MAP4K3: variants seen among roughly 807,000 people sequenced by gnomAD.
MAP4K3 encodes mitogen-activated protein kinase kinase kinase kinase 3.
Under a neutral mutation model 143.5 loss-of-function variants are expected in MAP4K3, and 94 were observed. The observed-to-expected ratio is 0.65, with a 90% CI of 0.55 to 0.78. MAP4K3 has a LOEUF of 0.78. Among genes scored for constraint, MAP4K3 ranks in the 30% least tolerant of loss-of-function variants. MAP4K3 has a pLI of 0.00. For missense variants in MAP4K3, 1,077 were observed against 1,068.1 expected, an observed-to-expected ratio of 1.01 and a Z score of -0.12; for synonymous variants, 416 against 347.2, an observed-to-expected ratio of 1.20 and a Z score of -2.20.
intron 12 of MAP4K3, among the ~76,000 whole-genome samples, chr2:39,320,491 T>C (rs1239476003): frequency 2.0e-5 from 3 of 152,166 alleles, no homozygotes; most frequent in African/African-American, 7.2e-5. Context: ...TGGTACTTTT[T>C]CTTGGTCAAC....
chr2:39,359,261 C>T (rs1415834623), intron 2 of MAP4K3, among the ~76,000 whole-genome samples: 1 of 151,768 alleles, frequency 6.6e-6, no homozygotes, highest in African/African-American at 2.4e-5. Context: ...AGTTTAATGA[C>T]TACCAACAGG....
intron 1 of MAP4K3, among the ~76,000 whole-genome samples, chr2:39,434,180 G>A (rs1161057225): frequency 6.6e-6 from 1 of 152,120 alleles, no homozygotes; most frequent in African/African-American, 2.4e-5. Flanking sequence ...GCACGTAAAT[G>A]CTGACAAATT....
rs1680087255 is a variant in MAP4K3 at position 39,250,016 on chromosome 2, AC to A, written c.*601del. 6.6e-6 allele frequency: 1 copy of A among 152,408 alleles called. No homozygotes were observed. Among genetic ancestry groups the A allele is most frequent in the Non-Finnish European group, 1.5e-5 (1 of 68,008 alleles). 9.4% of individuals were successfully genotyped at this position (152,408 alleles called of 1,614,324 possible). On this transcript the variant is annotated 3_prime_UTR_variant, in exon 34 of 34. Transcript: ENST00000263881. The stretch of plus-strand genomic sequence containing the variant: ...GCTTACTTTTGTGACTTAATACATC[AC>A]ATATCAATACTTTGTGCAAATATAA...
intron 14 of MAP4K3, 114 bp from the exon 15 acceptor site, chr2:39,308,119 G>C: frequency 6.5e-6 from 4 of 612,290 alleles, no homozygotes; most frequent in Non-Finnish European, 1.1e-5. Context: ...ATTTTATTAA[G>C]GCAAATGGAG....
At chr2:39,360,072 C>T (rs539262877) in intron 2 of MAP4K3, among the ~76,000 whole-genome samples, 3 of 152,322 alleles carry the variant, frequency 2.0e-5, no homozygotes, top group Non-Finnish European at 2.9e-5. Flanking sequence ...TCTTTTCTAT[C>T]GCATTGTTGG....
chr2:39,254,563 G>C, intron 31 of MAP4K3, 43 bp from the exon 32 acceptor site: 3 of 1,468,800 alleles, frequency 2.0e-6, no homozygotes, highest in Non-Finnish European at 2.9e-6. Flanking sequence ...TAGTACAAAA[G>C]TTCAACTGAT....
At chr2:39,280,054 C>T (rs895526078) in intron 23 of MAP4K3, among the ~76,000 whole-genome samples, 6 of 152,106 alleles carry the variant, frequency 3.9e-5, no homozygotes, top group South Asian at 2.1e-4. Flanking sequence ...CTTCACTATA[C>T]TGATATGGTA....
At chr2:39,421,765 T>G (rs751734728) in intron 1 of MAP4K3, among the ~76,000 whole-genome samples, 2 of 152,172 alleles carry the variant, frequency 1.3e-5, no homozygotes, top group Non-Finnish European at 2.9e-5. Flanking sequence ...GCCCGTTTCC[T>G]GCATGATCTC....
intron 1 of MAP4K3, chr2:39,436,657 T>G (rs1403658418): frequency 1.8e-6 from 1 of 547,582 alleles, no homozygotes; most frequent in Non-Finnish European, 3.3e-6. Context: ...AGAAGGGAGG[T>G]GGCAAAAATC....
rs543507353 is a variant in MAP4K3, at chr2:39,405,027, T to C, written c.97-26904A>G. On this transcript the variant is annotated intron_variant, in intron 1 of 33. Transcript: ENST00000263881. ...CCTGAAGGGAAGGACACAAGCCTGG[T>C]TGGCTTCACCATCTGCTGATTACAG... Among the ~76,000 whole-genome samples, 146 of 152,322 alleles carry C rather than the reference T, an allele frequency of 9.6e-4. 1 individual carries two copies. Among genetic ancestry groups the C allele is most frequent in the African/African-American group, 3.1e-3 (129 of 41,576 alleles).
chr2:39,372,895 C>T (rs547740448), intron 2 of MAP4K3, among the ~76,000 whole-genome samples: 1 of 152,178 alleles, frequency 6.6e-6, no homozygotes, highest in South Asian at 2.1e-4. Context: ...ATTTCTTGAG[C>T]AATATCCTAC....
At chr2:39,309,648 C>A (rs886246907) in intron 13 of MAP4K3, 129 bp from the exon 14 acceptor site, 30 of 555,062 alleles carry the variant, frequency 5.4e-5, no homozygotes, top group South Asian at 2.5e-4. Context: ...ATCTCCACCC[C>A]CTGGGTTCCC....
At chr2:39,293,159 A>G in intron 17 of MAP4K3, 71 bp downstream of exon 17, 1 of 1,081,230 alleles carries the variant, frequency 9.2e-7, no homozygotes, top group Non-Finnish European at 1.4e-6. Context: ...AGGCTACATA[A>G]CAGAGAAGAA....
At chr2:39,319,701 T>G (rs191452186) in intron 12 of MAP4K3, among the ~76,000 whole-genome samples, 1 of 152,228 alleles carries the variant, frequency 6.6e-6, no homozygotes, top group Non-Finnish European at 1.5e-5. Context: ...TATTATTTAA[T>G]GTAAGAAGAA....
At chr2:39,412,628 AT>A (rs1447839344) in intron 1 of MAP4K3, among the ~76,000 whole-genome samples, 1 of 152,230 alleles carries the variant, frequency 6.6e-6, no homozygotes, top group African/African-American at 2.4e-5. Flanking sequence ...GATCATGAAA[AT>A]AGCCCTAAAT....
At chr2:39,276,278 T>A (rs1681248901) in intron 24 of MAP4K3, among the ~76,000 whole-genome samples, 1 of 152,140 alleles carries the variant, frequency 6.6e-6, no homozygotes, top group African/African-American at 2.4e-5. Flanking sequence ...AATCAACACA[T>A]CCTTCAGTAT....
intron 3 of MAP4K3, among the ~76,000 whole-genome samples, chr2:39,349,075 T>C (rs922844456): frequency 3.3e-5 from 5 of 152,242 alleles, no homozygotes; most frequent in African/African-American, 1.2e-4. Context: ...CTAGCTATCC[T>C]GTACACTGCA....
intron 33 of MAP4K3, 120 bp from the exon 34 acceptor site, chr2:39,250,825 G>A: frequency 1.3e-6 from 1 of 746,832 alleles, no homozygotes; most frequent in Non-Finnish European, 2.2e-6. Context: ...TTTGATCGTG[G>A]GCAGAAATCA....
chr2:39,303,185 T>C lies in MAP4K3; in HGVS notation c.1120-3384A>G, dbSNP rs141096618. ...TGACCAAGAAAGAGAACAGGAGAAA[T>C]ATTTTCCCATCAAAAATGAGAAAAT... On this transcript the variant is annotated intron_variant, in intron 15 of 33. Transcript: ENST00000263881. 5.7e-3 allele frequency: 945 copies of C among 167,022 alleles called. 3 individuals are homozygous for C. The highest frequency in any genetic ancestry group is 9.0e-3 in the Non-Finnish European group (613 of 68,082). The allele number at this position is 167,022 out of a possible 1,614,324, so 10.3% of individuals were successfully genotyped here. A position where few individuals can be genotyped will look rare whatever the true frequency, so the allele number is the denominator to read the frequency against.
Sources: allele counts gnomAD v4.1 joint callset (sites outside exome capture counted in the v4.1 genomes callset), GRCh38; gene constraint gnomAD v4.1.1; transcripts MANE v1.5; gene names NCBI Gene and HGNC (gene_info 2026-07-23, HGNC 2026-07-21).